Variants in USP42 observed in about 807,000 individuals in gnomAD.
USP42 encodes ubiquitin carboxyl-terminal hydrolase 42.
A neutral mutation model predicts 113.0 loss-of-function variants in USP42; 23 were observed. That is an observed-to-expected ratio of 0.20 (90% confidence interval 0.15 to 0.29). The LOEUF (loss-of-function observed/expected upper bound fraction) is 0.29. Ranked by LOEUF, USP42 falls within the 10% of genes least tolerant of loss-of-function variation. USP42 has a pLI of 1.00. For missense variants in USP42, 2,174 were observed against 1,779.8 expected (o/e 1.22, Z -3.99); for synonymous variants, 933 against 699.0 (o/e 1.33, Z -5.28).
intron 3 of USP42, among the ~76,000 whole-genome samples, chr7:6,132,126 A>G (rs946673662): frequency 6.6e-6 from 1 of 151,866 alleles, no homozygotes; most frequent in Non-Finnish European, 1.5e-5. Flanking sequence ...GATTTTGGCC[A>G]TTTTGGCCAG....
At chr7:6,136,002 C>CTTTTT (rs11322306) in intron 4 of USP42, 51 bp downstream of exon 4, 26 of 549,368 alleles carry the variant, frequency 4.7e-5, no homozygotes, top group South Asian at 9.4e-5. Flanking sequence ...CCTAGTTATA[C>CTTTTT]TTTTTTTTTT....
chr7:6,081,882 G>T, the USP42 span: 1 of 151,898 alleles, frequency 6.6e-6, no homozygotes, highest in East Asian at 1.9e-4. Flanking sequence ...TTTTATATTC[G>T]TTAACACTAA....
intron 3 of USP42, among the ~76,000 whole-genome samples, chr7:6,119,887 A>G (rs1005893692): frequency 4.6e-5 from 7 of 152,128 alleles, no homozygotes; most frequent in East Asian, 1.9e-4. Flanking sequence ...GTTTTTTTGT[A>G]GAGACAGTCT....
intron 17 of USP42, among the ~76,000 whole-genome samples, chr7:6,160,111 G>C (rs945680598): frequency 6.6e-6 from 1 of 151,772 alleles, no homozygotes; most frequent in East Asian, 2.0e-4. Context: ...AGAGGGGACA[G>C]TGAACCATTT....
chr7:6,082,055 T>C, the USP42 span, among the ~76,000 whole-genome samples: 1 of 152,066 alleles, frequency 6.6e-6, no homozygotes, highest in East Asian at 1.9e-4. Context: ...TGTATACATA[T>C]TTGTATGTGT....
At chr7:6,153,735 T>TG (rs1562853354) in intron 14 of USP42, 21 bp from the exon 15 acceptor site, 1 of 1,428,920 alleles carries the variant, frequency 7.0e-7, no homozygotes, top group Admixed American at 3.0e-5. Context: ...ACGGGCGTGT[T>TG]TGTTTGTTTG....
At chr7:6,136,599 C>G (rs965513881) in intron 4 of USP42, among the ~76,000 whole-genome samples, 3 of 151,996 alleles carry the variant, frequency 2.0e-5, no homozygotes, top group African/African-American at 7.3e-5. Context: ...AATACTAATT[C>G]TGATATTGTC....
In USP42 at chr7:6,153,831, C is replaced by G; in HGVS notation, c.2277C>G (p.Ser759=). 6.5e-7 allele frequency: 1 copy of G among 1,541,720 alleles called. No individual in the cohort carries two copies. Among genetic ancestry groups the G allele is most frequent in the Admixed American group, 2.0e-5 (1 of 50,106 alleles). Residue 759 remains serine, a synonymous_variant, in exon 15 of 18, where the codon TCC becomes TCG. Transcript: ENST00000306177. ...AGCCTGGCAGCCCCGCCGCCGAATC[C>G]CTGGAGGAGCCAGATGCGGCCGCCG... is the stretch of plus-strand genomic sequence containing the variant. ...EPQPGSPAAE[S]LEEPDAAAGL...
chr7:6,132,163 C>A (rs550757528), intron 3 of USP42, among the ~76,000 whole-genome samples: 1 of 151,586 alleles, frequency 6.6e-6, no homozygotes, highest in African/African-American at 2.4e-5. Flanking sequence ...TAGGCTCAAG[C>A]GATCCACCCG....
intron 1 of USP42, among the ~76,000 whole-genome samples, chr7:6,109,803 C>T (rs963405177): frequency 6.7e-6 from 1 of 150,016 alleles, no homozygotes; most frequent in Non-Finnish European, 1.5e-5. Context: ...CAGGTTCAAG[C>T]GATTTTCCTG....
the USP42 span, among the ~76,000 whole-genome samples, chr7:6,085,519 C>G: frequency 6.7e-6 from 1 of 149,782 alleles, no homozygotes; most frequent in Non-Finnish European, 1.5e-5. Context: ...ACATGTATAA[C>G]TCATATAGAT....
At position 6,160,984 on chromosome 7, in the gene USP42, G is replaced by C. The variant is rs1782745935; in HGVS notation, c.*466G>C. 1 of 152,626 alleles carries C rather than the reference G, an allele frequency of 6.6e-6. No homozygotes were observed. The highest frequency in any genetic ancestry group is 2.4e-5 in the African/African-American group (1 of 41,448). The allele number at this position is 152,626 out of a possible 1,614,324, so 9.5% of individuals were successfully genotyped here. A position where few individuals can be genotyped will look rare whatever the true frequency, so the allele number is the denominator to read the frequency against. On this transcript the variant is annotated 3_prime_UTR_variant, in exon 18 of 18. Transcript: ENST00000306177. ...TTAAAAACTCACAAGCTCTCACCTA[G>C]ACTTTGGAGAGCAGTCTGTTTTCTG...
At chr7:6,142,128 C>G (rs1381898382) in intron 7 of USP42, among the ~76,000 whole-genome samples, 1 of 151,986 alleles carries the variant, frequency 6.6e-6, no homozygotes, top group Admixed American at 6.6e-5. Context: ...CACTTTAATT[C>G]TGCTCATTTT....
At chr7:6,081,986 A>G in the USP42 span, among the ~76,000 whole-genome samples, 1 of 152,184 alleles carries the variant, frequency 6.6e-6, no homozygotes, top group Admixed American at 6.6e-5. Context: ...CAATAAAAAT[A>G]TAAGTTCCAA....
At chr7:6,149,310 A>C (rs1375229189) in intron 12 of USP42, among the ~76,000 whole-genome samples, 1 of 152,214 alleles carries the variant, frequency 6.6e-6, no homozygotes, top group Non-Finnish European at 1.5e-5. Context: ...GATTTCGATC[A>C]GATCTGGGAC....
Position 6,150,159 on chromosome 7 carries a change from A to G in USP42, c.1963A>G (p.Met655Val), listed in dbSNP as rs760641392. 5 of 1,613,812 alleles carry G rather than the reference A, an allele frequency of 3.1e-6. No homozygotes were observed. The highest frequency in any genetic ancestry group is 2.2e-5 in the East Asian group (1 of 44,900). ...CACTCCGCACGAGCTTCAAGAACCC[A>G]TGACCCTAAACGGTGCTAATAGTGC... ...EATPHELQEP[M>V]TLNGANSADS... Residue 655 changes from methionine (M) to valine (V), a missense_variant, in exon 13 of 18, where the codon ATG (methionine) becomes GTG (valine). By Grantham distance (21) the Met-to-Val change is conservative (BLOSUM62 1). Transcript: ENST00000306177.
At chr7:6,125,106 G>A (rs1045918671) in intron 3 of USP42, among the ~76,000 whole-genome samples, 2 of 151,174 alleles carry the variant, frequency 1.3e-5, no homozygotes, top group African/African-American at 4.9e-5. Context: ...GCTTGATCCC[G>A]GGAGTTGGAG....
chr7:6,104,895 G>A (rs1360681024), upstream of USP42: 1 of 146,890 alleles, frequency 6.8e-6, no homozygotes, highest in Non-Finnish European at 1.5e-5. Context: ...GGGGCGCGGC[G>A]GGCGCGGCGC....
chr7:6,104,149 C>T (rs1181057467), upstream of USP42, among the ~76,000 whole-genome samples: 1 of 151,404 alleles, frequency 6.6e-6, no homozygotes, highest in African/African-American at 2.5e-5. Flanking sequence ...GAGGCGCGAT[C>T]TCGGCTCACT....
Sources: gnomAD v4.1 joint callset for allele counts (sites outside exome capture counted in the v4.1 genomes callset) on GRCh38, gnomAD v4.1.1 for gene constraint, MANE v1.5 for transcripts, NCBI Gene and HGNC (gene_info 2026-07-23, HGNC 2026-07-21) for gene names.